AGAP5: variants seen among roughly 807,000 people sequenced by gnomAD.
The protein encoded by AGAP5 is arf-GAP with GTPase, ANK repeat and PH domain-containing protein 5.
A neutral mutation model predicts 27.7 loss-of-function variants in AGAP5; 8 were observed. The observed-to-expected ratio is 0.29, with a 90% CI of 0.17 to 0.52. The LOEUF is 0.52. AGAP5 is among the 20% of genes least tolerant of loss of function. The pLI, the probability that AGAP5 is intolerant of heterozygous loss-of-function variation, is 0.97. For synonymous variants in AGAP5, 111 were observed against 338.0 expected (o/e 0.33, Z 7.37); for missense variants, 285 against 880.8 (o/e 0.32, Z 8.56).
chr10:73,696,567 A>G (rs1447270740), intron 2 of AGAP5, among the ~76,000 whole-genome samples: 1 of 152,254 alleles, frequency 6.6e-6, no homozygotes, highest in Non-Finnish European at 1.5e-5. Context: ...ATAAATCTGG[A>G]GACACATTTT....
intron 4 of AGAP5, among the ~76,000 whole-genome samples, chr10:73,690,693 A>C (rs2082110690): frequency 1.3e-5 from 2 of 152,152 alleles, no homozygotes; most frequent in African/African-American, 2.4e-5. Flanking sequence ...ACTCTCTATC[A>C]AAGAGGAGGG....
chr10:73,678,088 T>G (rs2081994936), intron 6 of AGAP5, among the ~76,000 whole-genome samples: 1 of 152,008 alleles, frequency 6.6e-6, no homozygotes, highest in Non-Finnish European at 1.5e-5. Context: ...AACATCATTT[T>G]TATTTAAAAG....
chr10:73,694,397 T>G (rs1435981649), intron 3 of AGAP5, among the ~76,000 whole-genome samples: 2 of 152,144 alleles, frequency 1.3e-5, no homozygotes, highest in Non-Finnish European at 2.9e-5. Flanking sequence ...AGTGTACTTT[T>G]TGGAGCAAGG....
In AGAP5 at chr10:73,694,823, A is replaced by G; in HGVS notation, c.293-19T>C. The G allele has an allele frequency of 6.3e-7, 1 of 1,597,648 alleles. No individual in the cohort carries two copies. The highest frequency in any genetic ancestry group is 8.5e-7 in the Non-Finnish European group (1 of 1,179,638). On this transcript the variant is annotated intron_variant, in intron 2 of 7. Transcript: ENST00000374094. The stretch of plus-strand genomic sequence containing the variant: ...TCCAAAGCTATATGCATAGAGGAAG[A>G]AAAGAAAAAAAGATGTAATCATTGA...
chr10:73,689,488 A>C (rs1280413831), intron 4 of AGAP5, among the ~76,000 whole-genome samples: 2 of 135,578 alleles, frequency 1.5e-5, no homozygotes, highest in Admixed American at 7.6e-5. Context: ...CTGGCTGCCC[A>C]GTCTGGAAAG....
chr10:73,683,590 TAG>T (rs1479208174), intron 4 of AGAP5, among the ~76,000 whole-genome samples: 79 of 84,828 alleles, frequency 9.3e-4, no homozygotes, highest in African/African-American at 3.6e-3. Flanking sequence ...GCCTCCTGAG[TAG>T]CTGGGACTAC....
At chr10:73,680,365 C>T (rs1380567401) in intron 5 of AGAP5, among the ~76,000 whole-genome samples, 6 of 149,646 alleles carry the variant, frequency 4.0e-5, no homozygotes, top group East Asian at 4.0e-4. Flanking sequence ...ACAGATTTCC[C>T]TGTTATATGC....
chr10:73,677,390 T>G, intron 6 of AGAP5, among the ~76,000 whole-genome samples: 1 of 103,098 alleles, frequency 9.7e-6, no homozygotes, highest in African/African-American at 3.9e-5. Flanking sequence ...TTTTTTTTTT[T>G]TTTTTTTTTT....
chr10:73,676,414 A>C (rs1351997291), intron 7 of AGAP5, among the ~76,000 whole-genome samples: 1 of 141,248 alleles, frequency 7.1e-6, no homozygotes, highest in Non-Finnish European at 1.6e-5. Flanking sequence ...GGGACCTGGG[A>C]GGCAGAGCCT....
chr10:73,696,447 T>C (rs376433543), intron 2 of AGAP5, among the ~76,000 whole-genome samples: 1 of 151,178 alleles, frequency 6.6e-6, no homozygotes, highest in African/African-American at 2.4e-5. Context: ...TTATATTACA[T>C]ATTAAAAGTC....
At chr10:73,690,493 C>T (rs1181208535) in intron 4 of AGAP5, among the ~76,000 whole-genome samples, 1 of 151,854 alleles carries the variant, frequency 6.6e-6, no homozygotes, top group Non-Finnish European at 1.5e-5. Flanking sequence ...GGGTCCTCTG[C>T]CTAGGAAAAC....
Position 73,697,169 on chromosome 10 carries a change from T to C in AGAP5, c.224-6A>G. On this transcript the variant is annotated splice_polypyrimidine_tract_variant and splice_region_variant and intron_variant, in intron 1 of 7. Transcript: ENST00000374094. ...AGAAAGGCTAAACTCCAAAGCTATA[T>C]GTATAGAGGGAGAAAAGAAAAAAGA... 1 of 1,597,994 alleles carries C rather than the reference T, an allele frequency of 6.3e-7. No individual in the cohort carries two copies. Among genetic ancestry groups the C allele is most frequent in the Non-Finnish European group, 8.5e-7 (1 of 1,179,702 alleles).
intron 4 of AGAP5, among the ~76,000 whole-genome samples, chr10:73,690,083 G>A (rs2082103962): frequency 1.3e-5 from 2 of 152,208 alleles, no homozygotes; most frequent in Admixed American, 6.5e-5. Flanking sequence ...CCCTCTTCCC[G>A]GCCACCACCC....
chr10:73,697,489 G>A (rs2082170887), intron 1 of AGAP5, 44 bp downstream of exon 1: 3 of 1,607,742 alleles, frequency 1.9e-6, no homozygotes, highest in East Asian at 4.5e-5. Flanking sequence ...GACAGCAGCA[G>A]CCAGAGGCAA....
chr10:73,691,201 G>C (rs1332206768), intron 4 of AGAP5, among the ~76,000 whole-genome samples: 7 of 152,342 alleles, frequency 4.6e-5, no homozygotes, highest in Middle Eastern at 6.8e-3. Context: ...TCAGATTTCA[G>C]AACTGTTTCA....
Position 73,674,486 on chromosome 10 carries a change from C to T in AGAP5, c.*113G>A, listed in dbSNP as rs2081958866. ...GTATTTACTTAGTTTATGAAAAGTA[C>T]TGAAAATGCTATTACTAGCTGAATT... On this transcript the variant is annotated 3_prime_UTR_variant, in exon 8 of 8. Coordinates refer to ENST00000374094, the MANE Select transcript of AGAP5 (RefSeq NM_001144000.4). 1.9e-6 allele frequency: 3 copies of T among 1,590,898 alleles called. No individual in the cohort carries two copies. The highest frequency in any genetic ancestry group is 2.6e-6 in the Non-Finnish European group (3 of 1,166,894).
chr10:73,691,377 C>CG (rs1249349359), intron 4 of AGAP5, among the ~76,000 whole-genome samples: 1 of 151,870 alleles, frequency 6.6e-6, no homozygotes, highest in Non-Finnish European at 1.5e-5. Context: ...CATGGTGTAG[C>CG]GGGGAAGGTA....
At chr10:73,690,051 C>T (rs1470562948) in intron 4 of AGAP5, among the ~76,000 whole-genome samples, 1 of 152,036 alleles carries the variant, frequency 6.6e-6, no homozygotes, top group African/African-American at 2.4e-5. Context: ...TGCCTGGCCG[C>T]CCCTACTGGG....
In AGAP5 at chr10:73,697,815, C is replaced by A; in HGVS notation, c.-60G>T. ...CTGCTCACAGCTTTGGCCACACACTCCCACTGTCCTAGGCCGAGGCTATGC... is the reference window on the plus strand; with the variant it reads ...CTGCTCACAGCTTTGGCCACACACTACCACTGTCCTAGGCCGAGGCTATGC... On this transcript the variant is annotated 5_prime_UTR_variant, in exon 1 of 8. Coordinates refer to ENST00000374094, the MANE Select transcript of AGAP5 (RefSeq NM_001144000.4). 1 of 1,592,294 alleles carries A rather than the reference C, an allele frequency of 6.3e-7. No homozygotes were observed. Among genetic ancestry groups the A allele is most frequent in the Non-Finnish European group, 8.5e-7 (1 of 1,176,838 alleles).
Sources: gnomAD v4.1 joint callset for allele counts (sites outside exome capture counted in the v4.1 genomes callset) on GRCh38, gnomAD v4.1.1 for gene constraint, MANE v1.5 for transcripts, NCBI Gene and HGNC (gene_info 2026-07-23, HGNC 2026-07-21) for gene names.